CNTN1: variants seen among roughly 807,000 people sequenced by gnomAD.
CNTN1 encodes contactin-1.
A neutral mutation model predicts 126.4 loss-of-function variants in CNTN1; 38 were observed. The ratio of observed to expected loss-of-function variants is 0.30; its 90% confidence interval spans 0.23 to 0.39. The LOEUF (loss-of-function observed/expected upper bound fraction) is 0.39. Among genes scored for constraint, CNTN1 ranks in the 10% least tolerant of loss-of-function variants. The probability of loss-of-function intolerance (pLI) is 1.00; values close to 1 mark genes in which losing one functional copy is unlikely to be tolerated. For missense variants in CNTN1, 1,009 were observed against 1,248.4 expected (o/e 0.81, Z 2.89); for synonymous variants, 413 against 422.6 (o/e 0.98, Z 0.28).
At position 40,976,518 on chromosome 12, in the gene CNTN1, C is replaced by T. The variant is rs112460998; in HGVS notation, c.1805-4391C>T. Among the ~76,000 whole-genome samples the T allele has an allele frequency of 4.6e-3, 681 of 146,640 alleles. 3 individuals are homozygous for T. Among genetic ancestry groups the T allele is most frequent in the African/African-American group, 0.016 (633 of 39,452 alleles). ...GGTTTCCTGAAGGATTTATTGAGAGCGCATGGTAATGGAAACTAAAAAAAG... is the reference window on the plus strand; with the variant it reads ...GGTTTCCTGAAGGATTTATTGAGAGTGCATGGTAATGGAAACTAAAAAAAG... On this transcript the variant is annotated intron_variant, in intron 15 of 23. Transcript: ENST00000551295.
chr12:41,045,018 A>G (rs1345304511), intron 23 of CNTN1, among the ~76,000 whole-genome samples: 1 of 152,088 alleles, frequency 6.6e-6, no homozygotes, highest in Non-Finnish European at 1.5e-5. Flanking sequence ...GATTTATATG[A>G]AGAATTTTAA....
chr12:40,848,112 G>A (rs923224237), intron 1 of CNTN1, among the ~76,000 whole-genome samples: 2 of 152,068 alleles, frequency 1.3e-5, no homozygotes, highest in African/African-American at 4.8e-5. Context: ...CTGGGGTTTC[G>A]GGACCCCTGT....
chr12:40,759,542 T>A (rs1938757146), intron 1 of CNTN1, among the ~76,000 whole-genome samples: 1 of 149,526 alleles, frequency 6.7e-6, no homozygotes, highest in Non-Finnish European at 1.5e-5. Flanking sequence ...TATGGCACAC[T>A]GCATCTTCTA....
chr12:40,801,065 G>A (rs1282985319), intron 1 of CNTN1, among the ~76,000 whole-genome samples: 1 of 148,496 alleles, frequency 6.7e-6, no homozygotes, highest in East Asian at 2.0e-4. Context: ...GCAAAATCCT[G>A]GAAGAGACAA....
chr12:40,928,853 T>C (rs1388286114), intron 6 of CNTN1, among the ~76,000 whole-genome samples: 1 of 152,066 alleles, frequency 6.6e-6, no homozygotes, highest in African/African-American at 2.4e-5. Context: ...TTTGTCATGA[T>C]TATTCATCTT....
rs553879313 is a variant in CNTN1, at chr12:40,967,485, C to T, written c.1804+8251C>T. The stretch of plus-strand genomic sequence containing the variant: ...ACAGAGTGAGACTGTCTCAAAAAAA[C>T]AAAACAAAACAAACAAACAAACAAA... On this transcript the variant is annotated intron_variant, in intron 15 of 23. Coordinates refer to ENST00000551295, the MANE Select transcript of CNTN1 (RefSeq NM_001843.4). Among the ~76,000 whole-genome samples, 584 of 151,950 alleles carry T rather than the reference C, an allele frequency of 3.8e-3. 1 individual carries two copies. Among genetic ancestry groups the T allele is most frequent in the Non-Finnish European group, 6.7e-3 (452 of 67,950 alleles).
At chr12:40,714,014 T>A (rs1332657271) in intron 1 of CNTN1, among the ~76,000 whole-genome samples, 1 of 152,000 alleles carries the variant, frequency 6.6e-6, no homozygotes, top group Admixed American at 6.6e-5. Context: ...TGGAAAGATC[T>A]TATTTTATTC....
chr12:40,895,755 ATTT>A (rs35784846), intron 1 of CNTN1, among the ~76,000 whole-genome samples: 231 of 121,690 alleles, frequency 1.9e-3, no homozygotes, highest in African/African-American at 5.6e-3. Context: ...GTGCTTCAAG[ATTT>A]TTTTTTTTTT....
chr12:40,809,036 G>A (rs922098649), intron 1 of CNTN1, among the ~76,000 whole-genome samples: 3 of 152,018 alleles, frequency 2.0e-5, no homozygotes, highest in African/African-American at 7.3e-5. Context: ...AGGCAGTCTA[G>A]ATCATGTGTT....
intron 1 of CNTN1, among the ~76,000 whole-genome samples, chr12:40,843,017 G>A (rs1370102393): frequency 6.6e-6 from 1 of 152,130 alleles, no homozygotes; most frequent in Non-Finnish European, 1.5e-5. Flanking sequence ...TGGAGTCAAG[G>A]TGTAGCTGGA....
At chr12:41,010,783 TC>T (rs1337340177) in intron 17 of CNTN1, among the ~76,000 whole-genome samples, 5 of 152,318 alleles carry the variant, frequency 3.3e-5, no homozygotes, top group Non-Finnish European at 5.9e-5. Context: ...CCCTTGCTCT[TC>T]ATAGGCCCTC....
intron 1 of CNTN1, among the ~76,000 whole-genome samples, chr12:40,731,628 A>G (rs542739650): frequency 6.6e-6 from 1 of 152,020 alleles, no homozygotes; most frequent in Admixed American, 6.6e-5. Flanking sequence ...TATGCAATAT[A>G]CCATAGTTTA....
chr12:40,852,350 T>C (rs141901539), intron 1 of CNTN1, among the ~76,000 whole-genome samples: 10 of 152,102 alleles, frequency 6.6e-5, no homozygotes, highest in Non-Finnish European at 1.5e-4. Flanking sequence ...TTCAGAGAAG[T>C]TGGCTTTTGG....
In CNTN1 at chr12:40,927,964, G is replaced by GTAA. The variant is rs1945752826; in HGVS notation, c.497-1829_497-1827dup. 2.6e-5 allele frequency among the ~76,000 whole-genome samples: 4 copies of GTAA among 152,044 alleles called. No homozygotes were observed. In the East Asian group the frequency reaches 7.7e-4, roughly 29 times the overall value. On this transcript the variant is annotated intron_variant, in intron 6 of 23. Transcript: ENST00000551295. Reference sequence around the variant, plus strand: ...ATGTCTTACATTTTAGAGAAACTGAGTAATAGAGTGACTAACTGGCCTGAT... The same window carrying GTAA: ...ATGTCTTACATTTTAGAGAAACTGAGTAATAATAGAGTGACTAACTGGCCTGAT...
At chr12:41,003,553 C>T (rs762471084) in intron 17 of CNTN1, among the ~76,000 whole-genome samples, 18 of 150,704 alleles carry the variant, frequency 1.2e-4, no homozygotes, top group Non-Finnish European at 2.5e-4. Context: ...TGGTAGAATT[C>T]AGCTGTGAAT....
intron 1 of CNTN1, among the ~76,000 whole-genome samples, chr12:40,904,349 T>TCC (rs1944730298): frequency 3.1e-5 from 3 of 96,692 alleles, no homozygotes; most frequent in South Asian, 3.0e-4. Flanking sequence ...TCTTCTTCTT[T>TCC]TTCCTTCCTT....
intron 23 of CNTN1, among the ~76,000 whole-genome samples, chr12:41,051,344 C>G (rs762584314): frequency 3.3e-5 from 5 of 151,166 alleles, no homozygotes; most frequent in Non-Finnish European, 5.9e-5. Context: ...GTAGAGACAG[C>G]ATTTCACCGT....
intron 16 of CNTN1, among the ~76,000 whole-genome samples, chr12:40,985,181 TTTTTC>T (rs1947927686): frequency 6.6e-6 from 1 of 152,204 alleles, no homozygotes; most frequent in Middle Eastern, 3.4e-3. Context: ...ACAGTTTTTG[TTTTTC>T]TTTTCTTTTT....
At chr12:40,775,479 T>C (rs535491575) in intron 1 of CNTN1, among the ~76,000 whole-genome samples, 1 of 151,552 alleles carries the variant, frequency 6.6e-6, no homozygotes, top group Non-Finnish European at 1.5e-5. Flanking sequence ...TAAATGTCTC[T>C]TTGATTACAG....
Sources: gnomAD v4.1 joint callset for allele counts (sites outside exome capture counted in the v4.1 genomes callset) on GRCh38, gnomAD v4.1.1 for gene constraint, MANE v1.5 for transcripts, NCBI Gene and HGNC (gene_info 2026-07-23, HGNC 2026-07-21) for gene names.